NKAIN3: variants seen among roughly 807,000 people sequenced by gnomAD.
NKAIN3 encodes the protein sodium/potassium transporting ATPase interacting 3, also known as sodium/potassium-transporting ATPase subunit beta-1-interacting protein 3.
NKAIN3 carries 25 observed loss-of-function variants against 30.2 expected under a neutral mutation model. The observed-to-expected ratio is 0.83, with a 90% CI of 0.60 to 1.16. NKAIN3 has a LOEUF of 1.16. Among genes scored for constraint, NKAIN3 ranks in the 50% most tolerant of loss-of-function variants. The pLI is 0.00. For synonymous variants in NKAIN3, 91 were observed against 89.6 expected (o/e 1.02, Z -0.09); for missense variants, 225 against 254.1 (o/e 0.89, Z 0.78).
intron 4 of NKAIN3, among the ~76,000 whole-genome samples, chr8:62,831,699 G>A (rs1452761314): frequency 1.3e-5 from 2 of 152,058 alleles, no homozygotes; most frequent in South Asian, 2.1e-4. Flanking sequence ...ATTTTAATGA[G>A]CAAGACCTTC....
At chr8:62,773,771 T>A (rs1301426171) in intron 4 of NKAIN3, among the ~76,000 whole-genome samples, 2 of 152,144 alleles carry the variant, frequency 1.3e-5, no homozygotes, top group Admixed American at 1.3e-4. Flanking sequence ...TTGTGAGGCC[T>A]CCCCAGCTAT....
At chr8:62,814,738 A>G (rs1446159313) in intron 4 of NKAIN3, among the ~76,000 whole-genome samples, 1 of 152,116 alleles carries the variant, frequency 6.6e-6, no homozygotes, top group Non-Finnish European at 1.5e-5. Flanking sequence ...AGCAGTGTGT[A>G]GAGGGAAATT....
chr8:62,579,807 T>C, intron 2 of NKAIN3, 131 bp downstream of exon 2: 1 of 470,516 alleles, frequency 2.1e-6, no homozygotes, highest in Non-Finnish European at 3.5e-6. Context: ...AAATGTTAAA[T>C]TTTGTTAAGA....
intron 4 of NKAIN3, chr8:62,855,600 C>T: frequency 1.2e-6 from 2 of 1,600,402 alleles, no homozygotes; most frequent in Non-Finnish European, 1.7e-6. Context: ...AATGTCAGGT[C>T]CACTGCTTGT....
intron 4 of NKAIN3, among the ~76,000 whole-genome samples, chr8:62,750,544 TGGCGCAGAGGCCCCCAGCTTCTGCC>T (rs1365008030): frequency 6.6e-6 from 1 of 152,092 alleles, no homozygotes; most frequent in Non-Finnish European, 1.5e-5. Flanking sequence ...GTGCCTTGCT[TGGCGCAGAGGCCCCCAGCTTCTGCC>T]GGCGCCTCTG....
chr8:62,791,421 A>G (rs1817698174), intron 4 of NKAIN3, among the ~76,000 whole-genome samples: 1 of 152,138 alleles, frequency 6.6e-6, no homozygotes, highest in African/African-American at 2.4e-5. Flanking sequence ...TTTAACCAAC[A>G]ATTTTAGAAT....
At chr8:62,777,074 C>G (rs563722031) in intron 4 of NKAIN3, among the ~76,000 whole-genome samples, 3 of 152,330 alleles carry the variant, frequency 2.0e-5, no homozygotes, top group South Asian at 4.1e-4. Context: ...GCCAGGCACA[C>G]TGGAGCTTCA....
At chr8:62,701,727 T>C (rs1327942898) in intron 3 of NKAIN3, among the ~76,000 whole-genome samples, 4 of 152,204 alleles carry the variant, frequency 2.6e-5, no homozygotes, top group Non-Finnish European at 5.9e-5. Context: ...CATTTGGCAA[T>C]GAGCCAGAGG....
intron 1 of NKAIN3, among the ~76,000 whole-genome samples, chr8:62,562,964 C>G (rs530967304): frequency 6.6e-6 from 1 of 152,052 alleles, no homozygotes; most frequent in Non-Finnish European, 1.5e-5. Context: ...TTGCCATTTA[C>G]GTAAAACCAC....
chr8:62,854,377 G>A lies in NKAIN3; in HGVS notation c.472-64076G>A, dbSNP rs1819999874. 2.6e-5 allele frequency among the ~76,000 whole-genome samples: 4 copies of A among 152,176 alleles called. 1 individual carries two copies. Among genetic ancestry groups the A allele is most frequent in the Admixed American group, 2.0e-4 (3 of 15,276 alleles). ...GTAAGAACTTGCTTTATGCATCTGG[G>A]TGCCCCTGTATTGGGTGCATATATA... is the stretch of plus-strand genomic sequence containing the variant. On this transcript the variant is annotated intron_variant, in intron 4 of 6. Transcript: ENST00000623646.
chr8:62,886,550 T>A (rs1489343755), intron 4 of NKAIN3, among the ~76,000 whole-genome samples: 2 of 152,152 alleles, frequency 1.3e-5, no homozygotes, highest in Admixed American at 1.3e-4. Context: ...ATTATCTCAA[T>A]TTTTTATTTT....
chr8:62,435,270 G>T (rs1003389287), intron 1 of NKAIN3, among the ~76,000 whole-genome samples: 40 of 151,988 alleles, frequency 2.6e-4, no homozygotes, highest in African/African-American at 8.5e-4. Flanking sequence ...ACTTCCTCCT[G>T]GGGGCCTAAT....
intron 4 of NKAIN3, among the ~76,000 whole-genome samples, chr8:62,897,281 A>G (rs1821456765): frequency 6.6e-6 from 1 of 152,202 alleles, no homozygotes; most frequent in Non-Finnish European, 1.5e-5. Flanking sequence ...GTAATAGAAC[A>G]GGCAATGTTT....
At chr8:62,832,473 G>A (rs542095100) in intron 4 of NKAIN3, among the ~76,000 whole-genome samples, 24 of 150,762 alleles carry the variant, frequency 1.6e-4, no homozygotes, top group African/African-American at 2.5e-4. Context: ...GATAAAAAGC[G>A]AAAACCCATC....
intron 4 of NKAIN3, among the ~76,000 whole-genome samples, chr8:62,899,408 A>G (rs1349988039): frequency 6.6e-6 from 1 of 152,218 alleles, no homozygotes; most frequent in Non-Finnish European, 1.5e-5. Flanking sequence ...CCATAAAAAA[A>G]GAATGAGATC....
chr8:62,427,111 C>CCAA, intron 1 of NKAIN3, among the ~76,000 whole-genome samples: 1 of 152,130 alleles, frequency 6.6e-6, no homozygotes, highest in Non-Finnish European at 1.5e-5. Context: ...ATTTCTCAAT[C>CCAA]CAGAGAAAGC....
chr8:62,843,346 A>T (rs907286279), intron 4 of NKAIN3, among the ~76,000 whole-genome samples: 7 of 148,920 alleles, frequency 4.7e-5, no homozygotes, highest in East Asian at 3.9e-4. Flanking sequence ...TTATTTATTT[A>T]TTTTTTTTGA....
chr8:62,471,063 T>C (rs1031220737), intron 1 of NKAIN3, among the ~76,000 whole-genome samples: 2 of 152,140 alleles, frequency 1.3e-5, no homozygotes, highest in Admixed American at 6.5e-5. Flanking sequence ...TTCTCTTGGA[T>C]AGACACCCAT....
At chr8:62,440,757 A>C (rs559367328) in intron 1 of NKAIN3, among the ~76,000 whole-genome samples, 1 of 152,096 alleles carries the variant, frequency 6.6e-6, no homozygotes, top group African/African-American at 2.4e-5. Context: ...ATGTCAATGA[A>C]AGACCTTGGC....
Sources: gnomAD v4.1 joint callset for allele counts (sites outside exome capture counted in the v4.1 genomes callset) on GRCh38, gnomAD v4.1.1 for gene constraint, MANE v1.5 for transcripts, NCBI Gene and HGNC (gene_info 2026-07-23, HGNC 2026-07-21) for gene names.